The following SH3RF3 variants were observed in gnomAD, a reference collection of about 807,000 sequenced individuals.
SH3RF3 encodes E3 ubiquitin-protein ligase SH3RF3.
Under a neutral mutation model 66.3 loss-of-function variants are expected in SH3RF3, and 29 were observed. The ratio of observed to expected loss-of-function variants is 0.44; its 90% CI spans 0.33 to 0.60. The LOEUF (loss-of-function observed/expected upper bound fraction) is 0.60. Ranked by LOEUF, SH3RF3 falls within the 20% of genes least tolerant of loss-of-function variation. SH3RF3 has a pLI of 0.04. For synonymous variants in SH3RF3, 583 were observed against 532.0 expected, an observed-to-expected ratio of 1.10 and a Z score of -1.32; for missense variants, 1,194 against 1,190.9, an observed-to-expected ratio of 1.00 and a Z score of -0.04.
chr2:109,338,887 C>T (rs1334098159), intron 1 of SH3RF3, among the ~76,000 whole-genome samples: 1 of 151,160 alleles, frequency 6.6e-6, no homozygotes, highest in Non-Finnish European at 1.5e-5. Flanking sequence ...CTCCTAAGAG[C>T]TTACTGTTGA....
chr2:109,464,187 G>A (rs1367939274), intron 8 of SH3RF3, among the ~76,000 whole-genome samples: 2 of 152,136 alleles, frequency 1.3e-5, no homozygotes, highest in African/African-American at 4.8e-5. Flanking sequence ...CTTGTTTTAT[G>A]GCTGGACTGA....
chr2:109,278,049 C>T (rs923753635), intron 1 of SH3RF3, among the ~76,000 whole-genome samples: 1 of 149,608 alleles, frequency 6.7e-6, no homozygotes, highest in Non-Finnish European at 1.5e-5. Flanking sequence ...TAGTGTCATG[C>T]ACCTATAGTC....
chr2:109,408,216 A>G (rs1676497958), intron 4 of SH3RF3, among the ~76,000 whole-genome samples: 1 of 152,150 alleles, frequency 6.6e-6, no homozygotes, highest in South Asian at 2.1e-4. Flanking sequence ...GGAGACTAGC[A>G]CACAGTCCAT....
At chr2:109,177,296 A>G (rs1677942163) in intron 1 of SH3RF3, among the ~76,000 whole-genome samples, 1 of 152,172 alleles carries the variant, frequency 6.6e-6, no homozygotes, top group African/African-American at 2.4e-5. Context: ...GAAGGAGCCC[A>G]ATGCATGGTG....
intron 1 of SH3RF3, among the ~76,000 whole-genome samples, chr2:109,252,664 A>G (rs1177682236): frequency 2.0e-5 from 3 of 152,224 alleles, no homozygotes; most frequent in Admixed American, 6.5e-5. Context: ...CACCAAACCT[A>G]CAGAACCTCA....
At chr2:109,167,011 A>G (rs1218091526) in intron 1 of SH3RF3, among the ~76,000 whole-genome samples, 1 of 152,208 alleles carries the variant, frequency 6.6e-6, no homozygotes, top group Non-Finnish European at 1.5e-5. Flanking sequence ...GAGCAATGCT[A>G]AAAGAACAAT....
intron 1 of SH3RF3, among the ~76,000 whole-genome samples, chr2:109,252,611 C>T (rs1680122073): frequency 1.3e-5 from 2 of 152,108 alleles, no homozygotes; most frequent in African/African-American, 2.4e-5. Context: ...CTGATAAACC[C>T]ATCAATAGTT....
intron 1 of SH3RF3, among the ~76,000 whole-genome samples, chr2:109,264,111 C>A (rs1680424791): frequency 6.6e-6 from 1 of 152,198 alleles, no homozygotes; most frequent in Non-Finnish European, 1.5e-5. Context: ...TGGGTGCTAC[C>A]TGTCCACCTC....
intron 1 of SH3RF3, among the ~76,000 whole-genome samples, chr2:109,300,565 A>G (rs1235714090): frequency 1.3e-5 from 2 of 152,200 alleles, no homozygotes; most frequent in South Asian, 2.1e-4. Flanking sequence ...ATCCTTTTCC[A>G]TAGGGGATGG....
intron 8 of SH3RF3, among the ~76,000 whole-genome samples, chr2:109,478,814 C>T (rs1400108262): frequency 6.6e-6 from 1 of 152,130 alleles, no homozygotes; most frequent in Admixed American, 6.5e-5. Context: ...GAATGAAACC[C>T]GCTCCAGTTA....
At chr2:109,201,227 A>C (rs2105069158) in intron 1 of SH3RF3, among the ~76,000 whole-genome samples, 1 of 152,316 alleles carries the variant, frequency 6.6e-6, no homozygotes, top group Middle Eastern at 3.4e-3. Flanking sequence ...CCTCTTCTGC[A>C]CTTAAAAACT....
intron 1 of SH3RF3, among the ~76,000 whole-genome samples, chr2:109,230,480 T>C (rs1679481311): frequency 6.6e-6 from 1 of 152,110 alleles, no homozygotes; most frequent in Non-Finnish European, 1.5e-5. Flanking sequence ...CTCGGGGGGC[T>C]GAGGCAGGAG....
intron 1 of SH3RF3, among the ~76,000 whole-genome samples, chr2:109,157,699 C>T (rs1321717285): frequency 6.6e-6 from 1 of 152,112 alleles, no homozygotes; most frequent in African/African-American, 2.4e-5. Context: ...GTTTTATCAC[C>T]TACAATTGAA....
chr2:109,313,165 C>G (rs1681775772), intron 1 of SH3RF3, among the ~76,000 whole-genome samples: 6 of 152,196 alleles, frequency 3.9e-5, no homozygotes, highest in Admixed American at 3.9e-4. Context: ...ATGGGCTGAG[C>G]TGGGAAGAAC....
chr2:109,297,940 A>C (rs1212071232), intron 1 of SH3RF3, among the ~76,000 whole-genome samples: 3 of 146,530 alleles, frequency 2.0e-5, no homozygotes, highest in African/African-American at 7.6e-5. Context: ...TTCCCCCCCC[A>C]CCACCAGACT....
At chr2:109,380,929 C>T (rs1047881424) in intron 3 of SH3RF3, among the ~76,000 whole-genome samples, 1 of 152,230 alleles carries the variant, frequency 6.6e-6, no homozygotes, top group African/African-American at 2.4e-5. Flanking sequence ...CTCAGCCTTG[C>T]CAGAAAGAAG....
intron 5 of SH3RF3, among the ~76,000 whole-genome samples, chr2:109,429,686 G>A (rs569679618): frequency 6.6e-6 from 1 of 152,224 alleles, no homozygotes; most frequent in East Asian, 1.9e-4. Flanking sequence ...GCCCAGCCCT[G>A]GCCCTACCCC....
intron 1 of SH3RF3, among the ~76,000 whole-genome samples, chr2:109,248,973 C>G (rs1469619922): frequency 1.3e-5 from 2 of 152,046 alleles, no homozygotes; most frequent in East Asian, 3.9e-4. Context: ...CCTCCAACTC[C>G]TGGGCCTAAG....
Position 109,432,353 on chromosome 2 carries a change from G to A in SH3RF3, c.1404-148G>A, listed in dbSNP as rs1196859366. ...GGAGTGAGCTGGGGAGGGTGTGTGA[G>A]GCCTCTGTAAACTGCAGAGCCCCCA... On this transcript the variant is annotated intron_variant, in intron 5 of 9. Coordinates refer to ENST00000309415, the MANE Select transcript of SH3RF3 (RefSeq NM_001099289.3). 3 of 1,001,714 alleles carry A rather than the reference G, an allele frequency of 3.0e-6. No individual in the cohort carries two copies. In the African/African-American group the frequency reaches 4.9e-5, roughly 16 times the overall value. 62.1% of individuals were successfully genotyped at this position (1,001,714 alleles called of 1,614,324 possible). A position where few individuals can be genotyped will look rare whatever the true frequency, so the allele number is the denominator to read the frequency against.
Sources: allele counts gnomAD v4.1 joint callset (sites outside exome capture counted in the v4.1 genomes callset), GRCh38; gene constraint gnomAD v4.1.1; transcripts MANE v1.5; gene names NCBI Gene and HGNC (gene_info 2026-07-23, HGNC 2026-07-21).